Variants in ZNF486 observed in about 807,000 individuals in gnomAD.
The protein encoded by ZNF486 is KRAB box only protein 2.
Under a neutral mutation model 12.8 loss-of-function variants are expected in ZNF486, and 12 were observed. The ratio of observed to expected loss-of-function variants is 0.94; its 90% CI spans 0.60 to 1.52. ZNF486 has a LOEUF of 1.52. Among genes scored for constraint, ZNF486 ranks in the 40% most tolerant of loss-of-function variants. The pLI is 0.00. For synonymous variants in ZNF486, 231 were observed against 184.9 expected, an observed-to-expected ratio of 1.25 and a Z score of -2.02; for missense variants, 738 against 545.0, an observed-to-expected ratio of 1.35 and a Z score of -3.53.
In ZNF486 at chr19:20,185,660, G is replaced by A. The variant is rs1555716289; in HGVS notation, c.158-327G>A. On this transcript the variant is annotated intron_variant, in intron 2 of 3. Transcript: ENST00000335117. ...CCTGACCTTGTGATCCACCCATCTT[G>A]GCCTCCCAGAGTGCTAGGATTAGAG... 1.3e-5 allele frequency among the ~76,000 whole-genome samples: 2 copies of A among 151,636 alleles called. 1 individual carries two copies. Among genetic ancestry groups the A allele is most frequent in the African/African-American group, 4.8e-5 (2 of 41,290 alleles).
intron 3 of ZNF486, among the ~76,000 whole-genome samples, chr19:20,191,734 T>C (rs780816653): frequency 1.6e-4 from 25 of 151,774 alleles, no homozygotes; most frequent in Non-Finnish European, 3.2e-4. Context: ...TGCGCCACTG[T>C]ACTCCAGCCT....
intron 1 of ZNF486, among the ~76,000 whole-genome samples, chr19:20,170,040 G>T (rs915224085): frequency 6.6e-6 from 1 of 151,602 alleles, no homozygotes; most frequent in South Asian, 2.1e-4. Flanking sequence ...ACAGGCGCCC[G>T]CCACCACGCC....
At chr19:20,185,261 T>C (rs561148431) in intron 2 of ZNF486, among the ~76,000 whole-genome samples, 7 of 152,264 alleles carry the variant, frequency 4.6e-5, no homozygotes, top group African/African-American at 1.7e-4. Context: ...TTTAATGGTA[T>C]AGTAAATAAG....
chr19:20,169,764 C>G (rs1245018950), intron 1 of ZNF486, among the ~76,000 whole-genome samples: 1 of 149,778 alleles, frequency 6.7e-6, no homozygotes, highest in East Asian at 2.0e-4. Context: ...GAGGAGCAAA[C>G]GAGATTAGAA....
At chr19:20,178,027 G>C (rs1024026947) in intron 1 of ZNF486, among the ~76,000 whole-genome samples, 7 of 151,194 alleles carry the variant, frequency 4.6e-5, no homozygotes, top group Non-Finnish European at 8.8e-5. Context: ...GGGTTCAAGA[G>C]ATTCTCCTGC....
At position 20,185,978 on chromosome 19, in the gene ZNF486, A is replaced by T. The variant is rs2089840173; in HGVS notation, c.158-9A>T. 2 of 1,519,464 alleles carry T rather than the reference A, an allele frequency of 1.3e-6. No individual in the cohort carries two copies. The highest frequency in any genetic ancestry group is 1.8e-6 in the Non-Finnish European group (2 of 1,134,564). 94.1% of individuals were successfully genotyped at this position (1,519,464 alleles called of 1,614,324 possible). On this transcript the variant is annotated splice_polypyrimidine_tract_variant and intron_variant, in intron 2 of 3. Coordinates refer to ENST00000335117, the MANE Select transcript of ZNF486 (RefSeq NM_052852.4). ...GCAAGATTAATGCTATTTATTTTTA[A>T]TGAAACAGGTATTATTGTCTCTAAG...
At position 20,197,335 on chromosome 19, in the gene ZNF486, C is replaced by G; in HGVS notation, c.625C>G (p.Pro209Ala). The change falls in exon 4 of 4, where the codon CCA (proline) becomes GCA (alanine). Residue 209 changes from proline to alanine, a missense_variant. Coordinates refer to ENST00000335117, the MANE Select transcript of ZNF486 (RefSeq NM_052852.4). ...TAAAAAAATTGATACTGGAGAGAAACCATACAAATGTGAAGAATGTGGCAA... is the reference window on the plus strand; with the variant it reads ...TAAAAAAATTGATACTGGAGAGAAAGCATACAAATGTGAAGAATGTGGCAA... ...THKKIDTGEK[P>A]YKCEECGKAF... The G allele has an allele frequency of 6.2e-7, 1 of 1,613,248 alleles. No homozygotes were observed. The highest frequency in any genetic ancestry group is 8.5e-7 in the Non-Finnish European group (1 of 1,179,598).
intron 3 of ZNF486, among the ~76,000 whole-genome samples, chr19:20,190,902 T>G (rs1454997584): frequency 2.0e-5 from 3 of 152,184 alleles, no homozygotes; most frequent in Non-Finnish European, 4.4e-5. Context: ...GGGACATGTT[T>G]GTGTCATGGA....
chr19:20,171,006 G>A (rs2089642242), intron 1 of ZNF486, among the ~76,000 whole-genome samples: 3 of 152,192 alleles, frequency 2.0e-5, no homozygotes, highest in Non-Finnish European at 4.4e-5. Flanking sequence ...TGGGCCCATA[G>A]GGTTTGTGAC....
chr19:20,193,775 TTCTA>T (rs137966787), intron 3 of ZNF486, among the ~76,000 whole-genome samples: 2,714 of 152,306 alleles, frequency 0.018, 80 homozygotes, highest in Admixed American at 0.057. Context: ...TATTTGATTC[TTCTA>T]TCTTTTTCAC....
intron 1 of ZNF486, among the ~76,000 whole-genome samples, chr19:20,178,920 A>G (rs1462203065): frequency 6.6e-6 from 1 of 152,222 alleles, no homozygotes; most frequent in Non-Finnish European, 1.5e-5. Context: ...CATGTTGACA[A>G]GAGAATCTCC....
intron 1 of ZNF486, 144 bp from the exon 2 acceptor site, chr19:20,184,212 T>C: frequency 7.9e-7 from 1 of 1,258,060 alleles, no homozygotes; most frequent in Non-Finnish European, 1.1e-6. Context: ...TAGAAAATAT[T>C]TCTGTATTGA....
chr19:20,175,856 C>T (rs1374194050), intron 1 of ZNF486, among the ~76,000 whole-genome samples: 3 of 152,228 alleles, frequency 2.0e-5, no homozygotes, highest in Non-Finnish European at 4.4e-5. Context: ...GTACACCTCC[C>T]AGATGGGGTG....
At chr19:20,194,658 T>C (rs1164143487) in intron 3 of ZNF486, among the ~76,000 whole-genome samples, 1 of 151,972 alleles carries the variant, frequency 6.6e-6, no homozygotes, top group Non-Finnish European at 1.5e-5. Context: ...AACCCGGGAG[T>C]TGGAGGTTGC....
intron 3 of ZNF486, among the ~76,000 whole-genome samples, chr19:20,186,506 A>AT (rs1338444317): frequency 2.3e-4 from 35 of 151,934 alleles, no homozygotes; most frequent in African/African-American, 7.0e-4. Context: ...TTTTTTGTTC[A>AT]TTTTTTCTGC....
At position 20,197,212 on chromosome 19, in the gene ZNF486, A is replaced by C. The variant is rs782544501; in HGVS notation, c.502A>C (p.Asn168His). 3.1e-6 allele frequency: 5 copies of C among 1,613,110 alleles called. No individual in the cohort carries two copies. The highest frequency in any genetic ancestry group is 4.2e-6 in the Non-Finnish European group (5 of 1,179,768). Residue 168 changes from asparagine to histidine, a missense_variant, in exon 4 of 4, where the codon AAT becomes CAT. By Grantham distance (68) the Asn-to-His change is moderately conservative (BLOSUM62 1). Coordinates refer to ENST00000335117, the MANE Select transcript of ZNF486 (RefSeq NM_052852.4). The stretch of plus-strand genomic sequence containing the variant: ...TGTGAAAGTCTTTCATCAATTTTCA[A>C]ATTCAAAGAGACATAAAAGAAGACA... ...KYVKVFHQFS[N>H]SKRHKRRHTE...
chr19:20,188,617 A>C (rs1217496572), intron 3 of ZNF486: 1 of 396,286 alleles, frequency 2.5e-6, no homozygotes, highest in Non-Finnish European at 4.4e-6. Context: ...ACTACACTCC[A>C]GCTTGAATGA....
In ZNF486 at chr19:20,197,798, C is replaced by T; in HGVS notation, c.1088C>T (p.Ser363Leu). 6.2e-7 allele frequency: 1 copy of T among 1,613,822 alleles called. No homozygotes were observed. The highest frequency in any genetic ancestry group is 1.1e-5 in the South Asian group (1 of 91,064). Residue 363 changes from serine to leucine, a missense_variant, in exon 4 of 4, where the codon TCA (serine) becomes TTA (leucine). By Grantham distance (145) the Ser-to-Leu change is moderately radical (BLOSUM62 -2). Transcript: ENST00000335117. ...EECGKAFTRS[S>L]HLTMHKIIHT... ...TGTGGCAAAGCCTTCACCCGCTCCT[C>T]ACACCTTACTATGCATAAGATAATT...
Position 20,167,509 on chromosome 19 carries a change from TAA to T in ZNF486, c.30+150_30+151del. On this transcript the variant is annotated intron_variant, in intron 1 of 3. Transcript: ENST00000335117. ...GCTCGGCCTCAGTCCCCTTCAGCCA[TAA>T]GATGGTGGCTGCGCTGACAGCCGGT... 7.8e-6 allele frequency: 7 copies of T among 894,520 alleles called. 1 individual carries two copies. The South Asian group carries it at 1.2e-4, about 15-fold the overall frequency. 55.4% of individuals were successfully genotyped at this position (894,520 alleles called of 1,614,324 possible).
Sources: allele counts gnomAD v4.1 joint callset (sites outside exome capture counted in the v4.1 genomes callset), GRCh38; gene constraint gnomAD v4.1.1; transcripts MANE v1.5; gene names NCBI Gene and HGNC (gene_info 2026-07-23, HGNC 2026-07-21).